VEPH1: variants seen among roughly 807,000 people sequenced by gnomAD.
VEPH1 encodes ventricular zone-expressed PH domain-containing protein homolog 1.
VEPH1 carries 80 observed loss-of-function variants against 85.2 expected under a neutral mutation model. The ratio of observed to expected loss-of-function variants is 0.94; its 90% CI spans 0.78 to 1.13. The LOEUF is 1.13. Ranked by LOEUF, VEPH1 falls within the 50% of genes most tolerant of loss-of-function variation. The pLI, the probability that VEPH1 is intolerant of heterozygous loss-of-function variation, is 0.00. For synonymous variants in VEPH1, 297 were observed against 348.0 expected (o/e 0.85, Z 1.63); for missense variants, 955 against 980.5 (o/e 0.97, Z 0.35).
At chr3:157,311,101 G>A (rs534748881) in intron 11 of VEPH1, among the ~76,000 whole-genome samples, 3 of 152,306 alleles carry the variant, frequency 2.0e-5, no homozygotes, top group Non-Finnish European at 2.9e-5. Context: ...CAAGCACCTT[G>A]TAGCTCTGGC....
At chr3:157,406,598 G>T (rs1168518762) in intron 6 of VEPH1, among the ~76,000 whole-genome samples, 1 of 152,120 alleles carries the variant, frequency 6.6e-6, no homozygotes, top group Non-Finnish European at 1.5e-5. Flanking sequence ...ATTCCAGCTA[G>T]TTAGAAAAAC....
At chr3:157,296,468 C>G (rs1577267951) in intron 11 of VEPH1, among the ~76,000 whole-genome samples, 1 of 152,208 alleles carries the variant, frequency 6.6e-6, no homozygotes, top group Non-Finnish European at 1.5e-5. Context: ...AGAGGAGTCT[C>G]CTTCTTTTGC....
In VEPH1 at chr3:157,294,262, C is replaced by A. The variant is rs116839058; in HGVS notation, c.2011-7588G>T. 5.6e-3 allele frequency among the ~76,000 whole-genome samples: 849 copies of A among 152,194 alleles called. 16 individuals are homozygous for A. The highest frequency in any genetic ancestry group is 0.019 in the African/African-American group (798 of 41,512). ...TAATTTTATTTTTTTTCCTTTATCC[C>A]TAATACCACTTTAATTCTCAGACTG... On this transcript the variant is annotated intron_variant, in intron 11 of 13. Coordinates refer to ENST00000362010, the MANE Select transcript of VEPH1 (RefSeq NM_001167912.2).
intron 6 of VEPH1, among the ~76,000 whole-genome samples, chr3:157,390,031 T>C (rs1462843724): frequency 6.6e-6 from 1 of 152,224 alleles, no homozygotes; most frequent in East Asian, 1.9e-4. Context: ...ATATTAATTC[T>C]TCTCTCCATT....
intron 2 of VEPH1, among the ~76,000 whole-genome samples, chr3:157,492,579 A>C (rs1739315300): frequency 6.6e-6 from 1 of 152,244 alleles, no homozygotes; most frequent in East Asian, 1.9e-4. Flanking sequence ...TTATCTTCAA[A>C]AGGTTTAAAG....
intron 3 of VEPH1, among the ~76,000 whole-genome samples, chr3:157,467,475 G>A (rs892526065): frequency 6.6e-6 from 1 of 151,938 alleles, no homozygotes; most frequent in Non-Finnish European, 1.5e-5. Context: ...TAAATTACAA[G>A]TAATACCAAA....
At chr3:157,366,498 G>T (rs1045881386) in intron 7 of VEPH1, among the ~76,000 whole-genome samples, 1 of 152,134 alleles carries the variant, frequency 6.6e-6, no homozygotes, top group Non-Finnish European at 1.5e-5. Flanking sequence ...ACTTTGGGAG[G>T]CCGAGGTGGG....
At chr3:157,425,385 C>A (rs927003979) in intron 5 of VEPH1, among the ~76,000 whole-genome samples, 68 of 152,312 alleles carry the variant, frequency 4.5e-4, no homozygotes, top group African/African-American at 1.6e-3. Context: ...CCTACTGGGG[C>A]ACCAGCCTGT....
intron 12 of VEPH1, among the ~76,000 whole-genome samples, chr3:157,273,853 C>G: frequency 6.6e-6 from 1 of 152,174 alleles, no homozygotes; most frequent in Non-Finnish European, 1.5e-5. Flanking sequence ...ATGTCTTTAA[C>G]CAATTATAAT....
At chr3:157,389,889 T>A (rs963365383) in intron 6 of VEPH1, among the ~76,000 whole-genome samples, 4 of 152,204 alleles carry the variant, frequency 2.6e-5, no homozygotes, top group African/African-American at 9.6e-5. Context: ...TTCAGCATAT[T>A]TTCCAGTTTA....
intron 9 of VEPH1, among the ~76,000 whole-genome samples, chr3:157,349,076 C>T (rs1054752509): frequency 3.3e-5 from 5 of 152,186 alleles, no homozygotes; most frequent in Admixed American, 1.3e-4. Context: ...GCCATTATCC[C>T]AGATGAACAT....
At chr3:157,469,722 C>A (rs910296409) in intron 3 of VEPH1, among the ~76,000 whole-genome samples, 1 of 152,066 alleles carries the variant, frequency 6.6e-6, no homozygotes, top group Non-Finnish European at 1.5e-5. Flanking sequence ...CATAGAGGAC[C>A]CTGTGGCTTA....
At chr3:157,469,349 G>A (rs576244696) in intron 3 of VEPH1, among the ~76,000 whole-genome samples, 2 of 152,232 alleles carry the variant, frequency 1.3e-5, no homozygotes, top group African/African-American at 4.8e-5. Context: ...AATAAAGGAC[G>A]CTCATATCAG....
At chr3:157,312,773 C>T (rs950532834) in intron 11 of VEPH1, among the ~76,000 whole-genome samples, 1 of 151,826 alleles carries the variant, frequency 6.6e-6, no homozygotes, top group Non-Finnish European at 1.5e-5. Context: ...ATAACAAATA[C>T]CTGAGACTGG....
At chr3:157,445,418 C>T (rs947485204) in intron 4 of VEPH1, among the ~76,000 whole-genome samples, 37 of 152,122 alleles carry the variant, frequency 2.4e-4, no homozygotes, top group Admixed American at 2.2e-3. Context: ...CTCAGGAGAT[C>T]GAGACCATCC....
At chr3:157,361,168 T>G (rs1359177044) in intron 9 of VEPH1, among the ~76,000 whole-genome samples, 1 of 152,236 alleles carries the variant, frequency 6.6e-6, no homozygotes, top group African/African-American at 2.4e-5. Context: ...TTATTGATTT[T>G]AGCTATTTCC....
chr3:157,492,306 G>A (rs1008499223), intron 2 of VEPH1, among the ~76,000 whole-genome samples: 2 of 152,168 alleles, frequency 1.3e-5, no homozygotes, highest in South Asian at 2.1e-4. Flanking sequence ...ATTCTGATCC[G>A]TACGAGTTAT....
At chr3:157,430,933 G>A (rs1311886240) in intron 4 of VEPH1, among the ~76,000 whole-genome samples, 1 of 152,142 alleles carries the variant, frequency 6.6e-6, no homozygotes, top group Non-Finnish European at 1.5e-5. Context: ...TGTGCCCAGG[G>A]CTGGGTTCCT....
intron 7 of VEPH1, among the ~76,000 whole-genome samples, chr3:157,367,197 C>G (rs1726805889): frequency 6.6e-6 from 1 of 152,066 alleles, no homozygotes; most frequent in Non-Finnish European, 1.5e-5. Flanking sequence ...ATAAAATATA[C>G]ATTGGTAGAT....
Sources: allele counts gnomAD v4.1 joint callset (sites outside exome capture counted in the v4.1 genomes callset), GRCh38; gene constraint gnomAD v4.1.1; transcripts MANE v1.5; gene names NCBI Gene and HGNC (gene_info 2026-07-23, HGNC 2026-07-21).